TLE1: variants seen among roughly 807,000 people sequenced by gnomAD.
TLE1 encodes the protein transducin-like enhancer protein 1.
In TLE1, 21 loss-of-function variants were observed where a neutral mutation model predicts 89.8. The ratio of observed to expected loss-of-function variants is 0.23; its 90% CI spans 0.17 to 0.34. The LOEUF (loss-of-function observed/expected upper bound fraction) is 0.34, where lower values mean the gene tolerates loss of function less well. TLE1 is among the 10% of genes least tolerant of loss of function. TLE1 has a pLI of 1.00. For synonymous variants in TLE1, 447 were observed against 407.6 expected, an observed-to-expected ratio of 1.10 and a Z score of -1.16; for missense variants, 795 against 1,031.2, an observed-to-expected ratio of 0.77 and a Z score of 3.14.
At chr9:81,680,769 T>C (rs546240681) in intron 4 of TLE1, among the ~76,000 whole-genome samples, 1 of 152,234 alleles carries the variant, frequency 6.6e-6, no homozygotes, top group East Asian at 1.9e-4. Flanking sequence ...CACTCCAATC[T>C]TGATGACAGC....
chr9:81,599,994 T>C (rs1257203977), intron 14 of TLE1: 2 of 639,166 alleles, frequency 3.1e-6, no homozygotes, highest in South Asian at 1.9e-5. Flanking sequence ...ATGACCTAAG[T>C]TGATAAATGA....
At chr9:81,595,615 A>G (rs139572361) in intron 14 of TLE1, among the ~76,000 whole-genome samples, 2,409 of 152,230 alleles carry the variant, frequency 0.016, 107 homozygotes, top group Admixed American at 0.087. Flanking sequence ...TCAGGAGATC[A>G]AGACCATCCT....
At chr9:81,679,999 TTTTC>T (rs1163459151) in intron 4 of TLE1, among the ~76,000 whole-genome samples, 2 of 151,468 alleles carry the variant, frequency 1.3e-5, no homozygotes, top group African/African-American at 4.8e-5. Flanking sequence ...AAGAAACAGA[TTTTC>T]TTTCTGTTTC....
chr9:81,662,816 G>A (rs971786731), intron 4 of TLE1, among the ~76,000 whole-genome samples: 3 of 151,990 alleles, frequency 2.0e-5, no homozygotes, highest in Non-Finnish European at 4.4e-5. Context: ...CAGTGACTTG[G>A]AATCATTGCC....
chr9:81,629,299 TA>T (rs1219240925), intron 8 of TLE1, among the ~76,000 whole-genome samples: 1 of 110,268 alleles, frequency 9.1e-6, no homozygotes, highest in African/African-American at 3.6e-5. Flanking sequence ...AATTTATCCT[TA>T]AATTAATTAA....
intron 4 of TLE1, among the ~76,000 whole-genome samples, chr9:81,668,959 A>G (rs1831858757): frequency 6.6e-6 from 1 of 152,170 alleles, no homozygotes. Flanking sequence ...CATCCTAGAT[A>G]GTCTTCCATT....
intron 14 of TLE1, among the ~76,000 whole-genome samples, chr9:81,604,775 A>T (rs77103586): frequency 0.032 from 4,863 of 152,148 alleles, 230 homozygotes; most frequent in African/African-American, 0.1. Flanking sequence ...CCACCTGCAC[A>T]TGGATCCCTC....
At position 81,659,837 on chromosome 9, in the gene TLE1, G is replaced by A. The variant is rs181054572; in HGVS notation, c.235-5801C>T. Among the ~76,000 whole-genome samples the A allele has an allele frequency of 4.1e-4, 62 of 152,196 alleles. No homozygotes were observed. In the East Asian group the frequency reaches 0.011, roughly 27 times the overall value. On this transcript the variant is annotated intron_variant, in intron 4 of 19. Transcript: ENST00000376499. ...TCTACTTGAGAGTTTCATCAAAATC[G>A]AGTGAGCTGATGAGCTGGTATGTAA... is the stretch of plus-strand genomic sequence containing the variant.
intron 8 of TLE1, among the ~76,000 whole-genome samples, chr9:81,624,714 C>T (rs1825698888): frequency 6.6e-6 from 1 of 152,036 alleles, no homozygotes; most frequent in African/African-American, 2.4e-5. Flanking sequence ...GTTGGGCAGA[C>T]TTCTATTACA....
chr9:81,669,216 A>G (rs966623901), intron 4 of TLE1, among the ~76,000 whole-genome samples: 4 of 152,202 alleles, frequency 2.6e-5, no homozygotes, highest in Admixed American at 2.6e-4. Flanking sequence ...ATCATTTGAG[A>G]TGATCTGTGG....
intron 14 of TLE1, among the ~76,000 whole-genome samples, chr9:81,602,810 G>A (rs1831116367): frequency 6.6e-6 from 1 of 151,860 alleles, no homozygotes; most frequent in South Asian, 2.1e-4. Flanking sequence ...AGAAAGGTGA[G>A]AATTTTAACA....
intron 17 of TLE1, among the ~76,000 whole-genome samples, chr9:81,586,442 G>A (rs1458158865): frequency 1.3e-5 from 2 of 152,182 alleles, no homozygotes; most frequent in Non-Finnish European, 2.9e-5. Flanking sequence ...GTAGGCAACT[G>A]TAGCATAACG....
chr9:81,674,038 G>A (rs1832586033), intron 4 of TLE1, among the ~76,000 whole-genome samples: 1 of 152,014 alleles, frequency 6.6e-6, no homozygotes, highest in Non-Finnish European at 1.5e-5. Flanking sequence ...ATCCATAGAG[G>A]CCTTTCAAAT....
intron 6 of TLE1, among the ~76,000 whole-genome samples, chr9:81,642,978 C>T (rs1828342587): frequency 6.6e-6 from 1 of 152,132 alleles, no homozygotes; most frequent in African/African-American, 2.4e-5. Flanking sequence ...TAAGCAGATT[C>T]AGAAAGACAA....
intron 6 of TLE1, among the ~76,000 whole-genome samples, chr9:81,639,737 C>T (rs1229562036): frequency 2.6e-5 from 4 of 151,724 alleles, no homozygotes; most frequent in African/African-American, 9.7e-5. Context: ...GTGAGCACCA[C>T]CACACCCAGC....
intron 17 of TLE1, among the ~76,000 whole-genome samples, chr9:81,586,307 G>A (rs192459874): frequency 6.6e-6 from 1 of 152,300 alleles, no homozygotes; most frequent in Non-Finnish European, 1.5e-5. Flanking sequence ...GTGAGCCTCC[G>A]TGCCTGGCCT....
intron 6 of TLE1, among the ~76,000 whole-genome samples, chr9:81,638,876 C>A (rs555112722): frequency 6.6e-6 from 1 of 152,084 alleles, no homozygotes; most frequent in Non-Finnish European, 1.5e-5. Flanking sequence ...CCTCCCACTC[C>A]GGCCTCCCAA....
rs887472453 is a variant in TLE1 at position 81,587,768 on chromosome 9, C to T, written c.1890G>A (p.Lys630=). ...TGTTGTCCAAACCACCCGTCCAGAG[C>T]TTGGTGCCATCATTAGAAATGTCAA... ...SCIDISNDGT[K]LWTGGLDNTV... The change falls in exon 17 of 20, where the codon AAG becomes AAA. Residue 630 remains lysine (K), a synonymous_variant. Coordinates refer to ENST00000376499, the MANE Select transcript of TLE1 (RefSeq NM_005077.5). 7.4e-6 allele frequency: 12 copies of T among 1,614,206 alleles called. No individual in the cohort carries two copies. The South Asian group carries it at 1.3e-4, about 18-fold the overall frequency.
In TLE1 at chr9:81,590,714, G is replaced by C. The variant is rs1829362263; in HGVS notation, c.1829+91C>G. ...GCCTGGCATTCAAGAGGCTCTTATTGTGTGGGCTGCAGGCAGCCAGAGAGA... is the reference window on the plus strand; with the variant it reads ...GCCTGGCATTCAAGAGGCTCTTATTCTGTGGGCTGCAGGCAGCCAGAGAGA... On this transcript the variant is annotated intron_variant, in intron 16 of 19. Transcript: ENST00000376499. 7 of 1,544,316 alleles carry C rather than the reference G, an allele frequency of 4.5e-6. No individual in the cohort carries two copies. The South Asian group carries it at 8.8e-5, about 19-fold the overall frequency.
Sources: allele counts gnomAD v4.1 joint callset (sites outside exome capture counted in the v4.1 genomes callset), GRCh38; gene constraint gnomAD v4.1.1; transcripts MANE v1.5; gene names NCBI Gene and HGNC (gene_info 2026-07-23, HGNC 2026-07-21).